RERG: variants seen among roughly 807,000 people sequenced by gnomAD.
RERG encodes the protein RAS like estrogen regulated growth inhibitor.
In RERG, 25 loss-of-function variants were observed where a neutral mutation model predicts 23.2. The ratio of observed to expected loss-of-function variants is 1.08; its 90% CI spans 0.79 to 1.50. The LOEUF (loss-of-function observed/expected upper bound fraction) is 1.50. Among genes scored for constraint, RERG ranks in the 40% most tolerant of loss-of-function variants. RERG has a pLI of 0.00. For synonymous variants in RERG, 81 were observed against 89.1 expected, an observed-to-expected ratio of 0.91 and a Z score of 0.51; for missense variants, 253 against 250.1, an observed-to-expected ratio of 1.01 and a Z score of -0.08.
intron 2 of RERG, among the ~76,000 whole-genome samples, chr12:15,192,694 C>T (rs1419573609): frequency 2.0e-5 from 3 of 152,114 alleles, no homozygotes; most frequent in Non-Finnish European, 4.4e-5. Flanking sequence ...TATGATTCAA[C>T]ACCCCACACT....
rs569472075 is a variant in RERG at position 15,150,618 on chromosome 12, G to A, written c.62-29499C>T. On this transcript the variant is annotated intron_variant, in intron 2 of 4. Transcript: ENST00000256953. ...AGTTTTCTCCAAAAAACCTTGTGTG[G>A]CAGGGCCTTTATTTTACAAAGAAGG... 3.3e-5 allele frequency among the ~76,000 whole-genome samples: 5 copies of A among 152,218 alleles called. No homozygotes were observed. The South Asian group carries it at 1.0e-3, about 32-fold the overall frequency.
intron 2 of RERG, among the ~76,000 whole-genome samples, chr12:15,212,800 T>C (rs1398070785): frequency 2.6e-5 from 4 of 152,196 alleles, no homozygotes; most frequent in African/African-American, 7.2e-5. Flanking sequence ...TACATATATT[T>C]TAAAGCAGGT....
intron 1 of RERG, chr12:15,218,085 AT>A (rs547033249): frequency 6.6e-6 from 1 of 152,374 alleles, no homozygotes; most frequent in Non-Finnish European, 1.5e-5. Flanking sequence ...TCAAAGTTAA[AT>A]TTTTTCTCAA....
At chr12:15,110,463 C>CTTTCTTTTTTTTTTTTTTTTTTT (rs1863586835) in intron 4 of RERG, among the ~76,000 whole-genome samples, 1 of 73,148 alleles carries the variant, frequency 1.4e-5, no homozygotes, top group Admixed American at 1.8e-4. Context: ...CCATTTTTTT[C>CTTTCTTTTTTTTTTTTTTTTTTT]TTTTTTTTTT....
At chr12:15,158,630 T>G (rs1864558145) in intron 2 of RERG, among the ~76,000 whole-genome samples, 1 of 152,152 alleles carries the variant, frequency 6.6e-6, no homozygotes, top group East Asian at 1.9e-4. Flanking sequence ...TTGCAGAGTA[T>G]AAGGAATTTT....
rs556710509 is a variant in RERG, at chr12:15,204,179, C to A, written c.61+13250G>T. The stretch of plus-strand genomic sequence containing the variant: ...CCTGATTTCAAACTATATTACAATG[C>A]TATAGTAATCAAAACAGTATCATAT... On this transcript the variant is annotated intron_variant, in intron 2 of 4. Transcript: ENST00000256953. Among the ~76,000 whole-genome samples, 464 of 151,772 alleles carry A rather than the reference C, an allele frequency of 3.1e-3. 4 individuals carry two copies. Among genetic ancestry groups the A allele is most frequent in the African/African-American group, 0.011 (450 of 41,472 alleles).
At chr12:15,151,180 C>T (rs1319737313) in intron 2 of RERG, among the ~76,000 whole-genome samples, 1 of 151,940 alleles carries the variant, frequency 6.6e-6, no homozygotes, top group Non-Finnish European at 1.5e-5. Flanking sequence ...TCTACGTTTT[C>T]TATAATGAAC....
At chr12:15,201,607 T>C (rs1035518432) in intron 2 of RERG, among the ~76,000 whole-genome samples, 3 of 149,018 alleles carry the variant, frequency 2.0e-5, no homozygotes, top group African/African-American at 7.3e-5. Flanking sequence ...TTAACAATAA[T>C]AATAATTAGC....
intron 3 of RERG, among the ~76,000 whole-genome samples, chr12:15,117,671 A>ACGCGCGCG (rs112757751): frequency 0.01 from 688 of 68,016 alleles, 7 homozygotes; most frequent in African/African-American, 0.032. Context: ...TCCATCACAC[A>ACGCGCGCG]CGCGCACACA....
chr12:15,145,766 C>A (rs1864321796), intron 2 of RERG, among the ~76,000 whole-genome samples: 3 of 152,216 alleles, frequency 2.0e-5, no homozygotes, highest in Admixed American at 2.0e-4. Context: ...CCCACGGTGG[C>A]TGAATTGGCC....
chr12:15,185,052 G>T (rs1335762196), intron 2 of RERG, among the ~76,000 whole-genome samples: 1 of 152,090 alleles, frequency 6.6e-6, no homozygotes, highest in East Asian at 1.9e-4. Context: ...TCCTATGCAG[G>T]CAAGATCTCA....
At chr12:15,161,559 A>C (rs965087184) in intron 2 of RERG, among the ~76,000 whole-genome samples, 1 of 152,150 alleles carries the variant, frequency 6.6e-6, no homozygotes, top group South Asian at 2.1e-4. Flanking sequence ...GCACTCAATT[A>C]ATTCTCCTGG....
chr12:15,120,899 C>T (rs1010475545), intron 3 of RERG, among the ~76,000 whole-genome samples, 164 bp downstream of exon 3: 3 of 152,280 alleles, frequency 2.0e-5, no homozygotes, highest in African/African-American at 4.8e-5. Flanking sequence ...GCACAGACAG[C>T]ATGAAACACA....
At chr12:15,195,584 T>A (rs1865133273) in intron 2 of RERG, among the ~76,000 whole-genome samples, 1 of 151,398 alleles carries the variant, frequency 6.6e-6, no homozygotes, top group Admixed American at 6.6e-5. Context: ...TGTGTGTGTG[T>A]GTGTGTGTGT....
chr12:15,115,887 A>C (rs572728191), intron 3 of RERG, among the ~76,000 whole-genome samples: 1 of 152,320 alleles, frequency 6.6e-6, no homozygotes, highest in South Asian at 2.1e-4. Context: ...TGTAGTGATC[A>C]TTGCCATAAG....
At chr12:15,168,428 A>G (rs1286833553) in intron 2 of RERG, among the ~76,000 whole-genome samples, 1 of 152,188 alleles carries the variant, frequency 6.6e-6, no homozygotes, top group Non-Finnish European at 1.5e-5. Flanking sequence ...CAGTTTTGAA[A>G]TGGGGCCAAT....
chr12:15,108,966 C>A lies in RERG; in HGVS notation c.*144G>T. 1.2e-6 allele frequency: 1 copy of A among 831,708 alleles called. No individual in the cohort carries two copies. The highest frequency in any genetic ancestry group is 1.9e-6 in the Non-Finnish European group (1 of 538,676). The allele number at this position is 831,708 out of a possible 1,614,324, so 51.5% of individuals were successfully genotyped here. A position where few individuals can be genotyped will look rare whatever the true frequency, so the allele number is the denominator to read the frequency against. On this transcript the variant is annotated 3_prime_UTR_variant, in exon 5 of 5. Coordinates refer to ENST00000256953, the MANE Select transcript of RERG (RefSeq NM_032918.3). Reference sequence around the variant, plus strand: ...TTGCATAAAACACGCTAAAACTTCCCAACCTATTAGAGGCCAGAAACAATG... The same window carrying A: ...TTGCATAAAACACGCTAAAACTTCCAAACCTATTAGAGGCCAGAAACAATG...
At chr12:15,159,605 C>T (rs908672469) in intron 2 of RERG, among the ~76,000 whole-genome samples, 29 of 152,088 alleles carry the variant, frequency 1.9e-4, no homozygotes, top group African/African-American at 2.7e-4. Context: ...AGGCAGATCA[C>T]GAGGTCAGGA....
intron 3 of RERG, 122 bp from the exon 4 acceptor site, chr12:15,111,539 T>C (rs956229951): frequency 4.1e-5 from 30 of 731,542 alleles, no homozygotes; most frequent in Non-Finnish European, 5.9e-5. Context: ...AGGAACTGTG[T>C]AGTCTAGGAA....
Sources: gnomAD v4.1 joint callset for allele counts (sites outside exome capture counted in the v4.1 genomes callset) on GRCh38, gnomAD v4.1.1 for gene constraint, MANE v1.5 for transcripts, NCBI Gene and HGNC (gene_info 2026-07-23, HGNC 2026-07-21) for gene names.